Variants in STXBP5L observed in about 807,000 individuals in gnomAD.
STXBP5L encodes syntaxin binding protein 5L.
STXBP5L carries 65 observed loss-of-function variants against 144.5 expected under a neutral mutation model. The observed-to-expected ratio is 0.45, with a 90% CI of 0.37 to 0.55. The LOEUF (loss-of-function observed/expected upper bound fraction) is 0.55, where lower values mean the gene tolerates loss of function less well. Ranked by LOEUF, STXBP5L falls within the 20% of genes least tolerant of loss-of-function variation. STXBP5L has a pLI of 0.00. For missense variants in STXBP5L, 1,298 were observed against 1,405.5 expected (o/e 0.92, Z 1.22); for synonymous variants, 505 against 469.6 (o/e 1.08, Z -0.97).
chr3:121,023,269 C>T (rs571239596), intron 3 of STXBP5L, among the ~76,000 whole-genome samples: 1 of 152,240 alleles, frequency 6.6e-6, no homozygotes, highest in East Asian at 1.9e-4. Context: ...GGACACCCCT[C>T]CCATGCTCAT....
At chr3:120,909,877 G>A in intron 2 of STXBP5L, 110 bp downstream of exon 2, 1 of 1,170,924 alleles carries the variant, frequency 8.5e-7, no homozygotes, top group Non-Finnish European at 1.2e-6. Context: ...GTCAGCATCA[G>A]AGTCTGCTGC....
rs535771030 is a variant in STXBP5L, at chr3:121,139,220, G to C, written c.670-13257G>C. On this transcript the variant is annotated intron_variant, in intron 7 of 26. Transcript: ENST00000471454. ...AATTATTTAGTGTATATTTATAAAA[G>C]CTGAAGGAGAAGATTTTGAATGTTC... is the stretch of plus-strand genomic sequence containing the variant. 3.3e-5 allele frequency among the ~76,000 whole-genome samples: 5 copies of C among 152,044 alleles called. 1 individual carries two copies. The South Asian group carries it at 1.0e-3, about 32-fold the overall frequency.
chr3:121,022,313 G>T (rs1318949030), intron 3 of STXBP5L, among the ~76,000 whole-genome samples: 2 of 151,972 alleles, frequency 1.3e-5, no homozygotes, highest in Non-Finnish European at 2.9e-5. Context: ...AAAAAGTCCA[G>T]GACCAGATGG....
intron 23 of STXBP5L, among the ~76,000 whole-genome samples, chr3:121,411,817 C>A (rs925465665): frequency 6.6e-6 from 1 of 152,054 alleles, no homozygotes; most frequent in Non-Finnish European, 1.5e-5. Context: ...GCACAGTGAA[C>A]TGGACCCACA....
chr3:120,992,330 T>C (rs1942980828), intron 3 of STXBP5L, among the ~76,000 whole-genome samples: 1 of 152,132 alleles, frequency 6.6e-6, no homozygotes, highest in South Asian at 2.1e-4. Flanking sequence ...CTAGCTATTT[T>C]GAAATATAAA....
intron 19 of STXBP5L, among the ~76,000 whole-genome samples, chr3:121,297,525 G>A (rs2051705417): frequency 6.6e-6 from 1 of 152,094 alleles, no homozygotes; most frequent in African/African-American, 2.4e-5. Context: ...AGGCAGAGGT[G>A]GGCAGATCAC....
At chr3:121,086,850 T>C (rs954308148) in intron 5 of STXBP5L, among the ~76,000 whole-genome samples, 2 of 152,106 alleles carry the variant, frequency 1.3e-5, no homozygotes, top group Non-Finnish European at 2.9e-5. Context: ...TTAGTGTAAG[T>C]ACTTACACTC....
chr3:121,047,593 T>G (rs1947609344), intron 5 of STXBP5L, among the ~76,000 whole-genome samples: 1 of 152,182 alleles, frequency 6.6e-6, no homozygotes, highest in Admixed American at 6.5e-5. Context: ...ATTGAACCCT[T>G]TACCATTACG....
intron 3 of STXBP5L, among the ~76,000 whole-genome samples, chr3:120,979,488 C>A (rs1004547943): frequency 9.9e-5 from 15 of 152,262 alleles, no homozygotes; most frequent in Non-Finnish European, 1.8e-4. Context: ...CTCCCTGACC[C>A]CTTGTGCTTC....
At chr3:121,212,293 C>T (rs1184587071) in intron 10 of STXBP5L, among the ~76,000 whole-genome samples, 1 of 152,142 alleles carries the variant, frequency 6.6e-6, no homozygotes, top group Non-Finnish European at 1.5e-5. Context: ...TTTGCCCATG[C>T]CTACATCCTG....
intron 11 of STXBP5L, among the ~76,000 whole-genome samples, chr3:121,226,284 T>A (rs1387172932): frequency 6.6e-6 from 1 of 152,122 alleles, no homozygotes; most frequent in Non-Finnish European, 1.5e-5. Context: ...ATAAGTAAAG[T>A]GGCAGAATTA....
intron 3 of STXBP5L, among the ~76,000 whole-genome samples, chr3:121,009,333 T>G (rs1944594760): frequency 6.6e-6 from 1 of 152,012 alleles, no homozygotes; most frequent in Admixed American, 6.6e-5. Flanking sequence ...AATCTTCCAA[T>G]TTATTTTCTA....
intron 20 of STXBP5L, among the ~76,000 whole-genome samples, chr3:121,369,119 G>C (rs2045953082): frequency 6.6e-6 from 1 of 152,210 alleles, no homozygotes; most frequent in Non-Finnish European, 1.5e-5. Flanking sequence ...GTGCACAGCT[G>C]CCTGGCAGGG....
chr3:121,313,119 G>T (rs2043607157), intron 19 of STXBP5L, among the ~76,000 whole-genome samples: 1 of 144,988 alleles, frequency 6.9e-6, no homozygotes, highest in African/African-American at 2.6e-5. Flanking sequence ...CCCAGACGGG[G>T]CGGCTGGCCA....
chr3:121,309,946 A>G (rs886984056), intron 19 of STXBP5L, among the ~76,000 whole-genome samples: 2 of 152,246 alleles, frequency 1.3e-5, no homozygotes, highest in Admixed American at 1.3e-4. Flanking sequence ...AGCCACATTA[A>G]TTATGATAGT....
rs113905861 is a variant in STXBP5L at position 121,183,986 on chromosome 3, G to A, written c.878-21937G>A. On this transcript the variant is annotated intron_variant, in intron 9 of 26. Transcript: ENST00000471454. ...GAGAAGAGGGGCCTGGCTGTTAGAA[G>A]GAAAACTACAAGCAGAAAGGAATAG... Among the ~76,000 whole-genome samples the A allele has an allele frequency of 2.3e-3, 345 of 152,028 alleles. 5 individuals carry two copies. The highest frequency in any genetic ancestry group is 3.4e-3 in the Middle Eastern group (1 of 294).
At chr3:121,359,177 GT>G (rs1466884361) in intron 20 of STXBP5L, among the ~76,000 whole-genome samples, 2 of 152,108 alleles carry the variant, frequency 1.3e-5, no homozygotes, top group African/African-American at 4.8e-5. Context: ...TATCTCATTA[GT>G]TTTGATTTGC....
At chr3:121,213,169 G>T (rs1389226739) in intron 10 of STXBP5L, among the ~76,000 whole-genome samples, 1 of 152,186 alleles carries the variant, frequency 6.6e-6, no homozygotes, top group Non-Finnish European at 1.5e-5. Flanking sequence ...GAGACAATTT[G>T]AATTCCTCCC....
chr3:121,181,591 G>A (rs779630355), intron 9 of STXBP5L, among the ~76,000 whole-genome samples: 3 of 152,068 alleles, frequency 2.0e-5, no homozygotes, highest in Non-Finnish European at 2.9e-5. Context: ...AAAATTAGCT[G>A]GGCATGGTCG....
Sources: gnomAD v4.1 joint callset for allele counts (sites outside exome capture counted in the v4.1 genomes callset) on GRCh38, gnomAD v4.1.1 for gene constraint, MANE v1.5 for transcripts, NCBI Gene and HGNC (gene_info 2026-07-23, HGNC 2026-07-21) for gene names.